The following NDUFA10 variants were observed in gnomAD, a reference collection of about 807,000 sequenced individuals.
The protein encoded by NDUFA10 is NADH dehydrogenase [ubiquinone] 1 alpha subcomplex subunit 10, mitochondrial.
In NDUFA10, 40 loss-of-function variants were observed where a neutral mutation model predicts 47.8. The observed-to-expected ratio is 0.84, with a 90% confidence interval of 0.65 to 1.09. The LOEUF (loss-of-function observed/expected upper bound fraction) is 1.09, where lower values mean the gene tolerates loss of function less well. Ranked by LOEUF, NDUFA10 falls within the 50% of genes least tolerant of loss-of-function variation. The probability of loss-of-function intolerance (pLI) is 0.00; values close to 1 mark genes in which losing one functional copy is unlikely to be tolerated. For missense variants in NDUFA10, 413 were observed against 451.1 expected, an observed-to-expected ratio of 0.92 and a Z score of 0.76; for synonymous variants, 183 against 172.2, an observed-to-expected ratio of 1.06 and a Z score of -0.49.
intron 5 of NDUFA10, among the ~76,000 whole-genome samples, chr2:239,893,481 T>C (rs1693333874): frequency 6.6e-6 from 1 of 152,222 alleles, no homozygotes; most frequent in African/African-American, 2.4e-5. Flanking sequence ...ACATTATTTT[T>C]CAAAGCTCTG....
intron 9 of NDUFA10, chr2:239,969,727 G>A (rs990799297): frequency 2.8e-5 from 13 of 471,206 alleles, no homozygotes; most frequent in African/African-American, 4.0e-5. Context: ...AGACCTCTTC[G>A]ACATCTAATC....
intron 8 of NDUFA10, among the ~76,000 whole-genome samples, chr2:240,002,937 C>T (rs1696786076): frequency 6.6e-6 from 1 of 152,108 alleles, no homozygotes; most frequent in Non-Finnish European, 1.5e-5. Flanking sequence ...GCAGCCTCAA[C>T]CTCCCAGGTT....
At chr2:239,899,693 T>A (rs1693507067) in intron 4 of NDUFA10, among the ~76,000 whole-genome samples, 1 of 152,042 alleles carries the variant, frequency 6.6e-6, no homozygotes. Context: ...ACCCTGCACA[T>A]CCCTGAGGGT....
At chr2:239,947,790 G>A (rs951363514) in intron 4 of NDUFA10, among the ~76,000 whole-genome samples, 1 of 152,214 alleles carries the variant, frequency 6.6e-6, no homozygotes, top group African/African-American at 2.4e-5. Context: ...GAAGCACGGG[G>A]TGGTGCCTCA....
rs1693894144 is a variant in NDUFA10, at chr2:239,917,178, A to G, written c.295-21864T>C. Among the ~76,000 whole-genome samples, 4 of 145,448 alleles carry G rather than the reference A, an allele frequency of 2.8e-5. No individual in the cohort carries two copies. The South Asian group carries it at 8.7e-4, about 32-fold the overall frequency. ...GTCCAGGAAGCCAGAGTGAGGTGGG[A>G]AATTAAATAAATAATAAAAATAAAA... On this transcript the variant is annotated intron_variant, in intron 4 of 5. Transcript: ENST00000419408.
At chr2:239,915,980 ACACACCCATACACAGAT>A (rs1442150281) in intron 4 of NDUFA10, among the ~76,000 whole-genome samples, 1 of 137,370 alleles carries the variant, frequency 7.3e-6, no homozygotes, top group Admixed American at 7.3e-5. Flanking sequence ...ACACACACAC[ACACACCCATACACAGAT>A]ACACACAAAT....
intron 9 of NDUFA10, among the ~76,000 whole-genome samples, chr2:239,974,113 G>T (rs1361357368): frequency 6.6e-6 from 1 of 152,108 alleles, no homozygotes; most frequent in Non-Finnish European, 1.5e-5. Context: ...TTTTTAGGAA[G>T]AGACAGGGTT....
At chr2:239,914,456 CAT>C (rs1693808198) in intron 4 of NDUFA10, among the ~76,000 whole-genome samples, 1 of 144,926 alleles carries the variant, frequency 6.9e-6, no homozygotes, top group Non-Finnish European at 1.5e-5. Context: ...CACACACAAA[CAT>C]ACACACACAG....
At chr2:239,963,656 G>A (rs565203850) in intron 9 of NDUFA10, among the ~76,000 whole-genome samples, 4 of 152,326 alleles carry the variant, frequency 2.6e-5, no homozygotes, top group East Asian at 3.9e-4. Context: ...GCTACATGGC[G>A]GGTTGCCCCA....
intron 4 of NDUFA10, among the ~76,000 whole-genome samples, chr2:239,905,794 G>GGGCGA (rs1693642149): frequency 7.4e-6 from 1 of 134,424 alleles, no homozygotes; most frequent in Non-Finnish European, 1.6e-5. Context: ...AGAAGAAGCG[G>GGGCGA]GGAGAGGAGG....
At chr2:240,014,691 C>T (rs766448161) in intron 5 of NDUFA10, 48 bp downstream of exon 5, 1 of 1,613,446 alleles carries the variant, frequency 6.2e-7, no homozygotes, top group South Asian at 1.1e-5. Context: ...TAGTGCTGAT[C>T]TACATTCAAA....
Position 239,945,096 on chromosome 2 carries a change from CCT to C in NDUFA10, c.294+44976_294+44977del, listed in dbSNP as rs1376694990. On this transcript the variant is annotated intron_variant, in intron 4 of 5. Transcript: ENST00000419408. This position sits in a 1 kb window ranked among gnomAD's most constrained non-coding sequence, Gnocchi z 4.6. The stretch of plus-strand genomic sequence containing the variant: ...CTCCCAGGCAAGCCTCCCTGCCTCT[CCT>C]CTCTCTATCCTCTACAGAAACCCAG... Among the ~76,000 whole-genome samples, 1 of 152,214 alleles carries C rather than the reference CCT, an allele frequency of 6.6e-6. No individual in the cohort carries two copies. The highest frequency in any genetic ancestry group is 1.5e-5 in the Non-Finnish European group (1 of 67,996).
At chr2:239,973,625 T>G in intron 9 of NDUFA10, 1 of 470,224 alleles carries the variant, frequency 2.1e-6, no homozygotes, top group Non-Finnish European at 4.4e-6. Context: ...CACAGTATCT[T>G]AACAGCATCT....
At chr2:239,999,445 T>C (rs1362951845) in intron 8 of NDUFA10, among the ~76,000 whole-genome samples, 1 of 152,172 alleles carries the variant, frequency 6.6e-6, no homozygotes, top group Non-Finnish European at 1.5e-5. Context: ...GCTGGGTGGA[T>C]GATTGTTCTG....
At position 239,960,765 on chromosome 2, in the gene NDUFA10, G is replaced by A; in HGVS notation, c.*353C>T. Reference sequence around the variant, plus strand: ...TCCCATGGAAACACTTTTATTTCTGGAAGTCAGAAGAAAAACAATGTGCAC... The same window carrying A: ...TCCCATGGAAACACTTTTATTTCTGAAAGTCAGAAGAAAAACAATGTGCAC... On this transcript the variant is annotated 3_prime_UTR_variant, in exon 10 of 10. Coordinates refer to ENST00000252711, the MANE Select transcript of NDUFA10 (RefSeq NM_004544.4). 1 of 1,213,614 alleles carries A rather than the reference G, an allele frequency of 8.2e-7. No homozygotes were observed. Among genetic ancestry groups the A allele is most frequent in the Admixed American group, 3.6e-5 (1 of 28,130 alleles). The allele number at this position is 1,213,614 out of a possible 1,614,324, so 75.2% of individuals were successfully genotyped here.
intron 4 of NDUFA10, among the ~76,000 whole-genome samples, chr2:239,910,958 C>T (rs1365939508): frequency 6.6e-6 from 1 of 152,156 alleles, no homozygotes; most frequent in African/African-American, 2.4e-5. Flanking sequence ...TCCAAGTGCC[C>T]GGCAGAGAGG....
intron 1 of NDUFA10, 81 bp downstream of exon 1, chr2:240,025,146 G>T: frequency 8.4e-7 from 1 of 1,184,692 alleles, no homozygotes; most frequent in Non-Finnish European, 1.1e-6. Flanking sequence ...CCAGAGGCCG[G>T]GGGAGATGTG....
chr2:239,911,278 C>T (rs1411442813), intron 4 of NDUFA10, among the ~76,000 whole-genome samples: 2 of 152,298 alleles, frequency 1.3e-5, no homozygotes, highest in Non-Finnish European at 2.9e-5. Flanking sequence ...AGCCCCTAGG[C>T]TGCTGCAGGA....
intron 4 of NDUFA10, among the ~76,000 whole-genome samples, chr2:239,917,918 G>A (rs982588058): frequency 6.6e-6 from 1 of 152,242 alleles, no homozygotes; most frequent in African/African-American, 2.4e-5. Flanking sequence ...TGAGCCCTGA[G>A]AAGGTTTCAG....
Sources: gnomAD v4.1 joint callset for allele counts (sites outside exome capture counted in the v4.1 genomes callset) on GRCh38, gnomAD v4.1.1 for gene constraint, Gnocchi (gnomAD v3.1) non-coding constraint, MANE v1.5 for transcripts, NCBI Gene and HGNC (gene_info 2026-07-23, HGNC 2026-07-21) for gene names.